Variants in SEMA3C observed in about 807,000 individuals in gnomAD.
The protein encoded by SEMA3C is semaphorin-3C.
Under a neutral mutation model 89.4 loss-of-function variants are expected in SEMA3C, and 47 were observed. That is an observed-to-expected ratio of 0.53 (90% CI 0.42 to 0.67). The LOEUF is 0.67. Among genes scored for constraint, SEMA3C ranks in the 30% least tolerant of loss-of-function variants. SEMA3C has a pLI of 0.00. For synonymous variants in SEMA3C, 310 were observed against 320.2 expected, an observed-to-expected ratio of 0.97 and a Z score of 0.34; for missense variants, 839 against 929.1, an observed-to-expected ratio of 0.90 and a Z score of 1.26.
At chr7:80,815,669 A>G (rs1460116815) in intron 5 of SEMA3C, among the ~76,000 whole-genome samples, 4 of 151,828 alleles carry the variant, frequency 2.6e-5, no homozygotes, top group Non-Finnish European at 2.9e-5. Context: ...TTTTCTTCTG[A>G]AACAGAAAAA....
At chr7:80,844,486 C>T (rs1790342910) in intron 2 of SEMA3C, among the ~76,000 whole-genome samples, 1 of 152,030 alleles carries the variant, frequency 6.6e-6, no homozygotes, top group Non-Finnish European at 1.5e-5. Context: ...TACTTAATTC[C>T]TTGGAACCTC....
intron 15 of SEMA3C, among the ~76,000 whole-genome samples, chr7:80,754,964 T>TTTTG (rs765917535): frequency 7.0e-5 from 9 of 129,184 alleles, no homozygotes; most frequent in Middle Eastern, 4.1e-3. Flanking sequence ...TTTGTTTTTT[T>TTTTG]TTTTTTTGTA....
chr7:80,868,385 A>G (rs1473797024), intron 2 of SEMA3C, among the ~76,000 whole-genome samples: 1 of 152,068 alleles, frequency 6.6e-6, no homozygotes, highest in Non-Finnish European at 1.5e-5. Flanking sequence ...CTTGTGTCTC[A>G]GCCTCCCGAG....
intron 2 of SEMA3C, among the ~76,000 whole-genome samples, chr7:80,859,147 G>GTGTGTGTGTGTATGTGTGTT (rs1562909333): frequency 2.0e-5 from 3 of 151,792 alleles, no homozygotes; most frequent in African/African-American, 4.8e-5. Flanking sequence ...AAAAAGAACG[G>GTGTGTGTGTGTATGTGTGTT]TGTGTGTGTG....
chr7:80,902,108 G>C (rs75036549), intron 2 of SEMA3C, among the ~76,000 whole-genome samples: 5 of 152,020 alleles, frequency 3.3e-5, no homozygotes, highest in Non-Finnish European at 5.9e-5. Flanking sequence ...GTGCACCACC[G>C]CACTCAACTA....
rs1352499954 is a variant in SEMA3C at position 80,798,849 on chromosome 7, A to G, written c.987-613T>C. On this transcript the variant is annotated intron_variant, in intron 10 of 17. Transcript: ENST00000265361. ...AAATTTGTTTGAATCTTTAGTAAGA[A>G]ATATTTCCATTGTCCTATGGCAGGT... Among the ~76,000 whole-genome samples, 4 of 152,206 alleles carry G rather than the reference A, an allele frequency of 2.6e-5. No homozygotes were observed. In the East Asian group the frequency reaches 7.7e-4, roughly 29 times the overall value.
In SEMA3C at chr7:80,886,097, A is replaced by ATT. The variant is rs566950820; in HGVS notation, c.103+30581_103+30582insAA. ...ATTATCCATTCAAACTAACTCAAATAGAGACATTGTTAATTACTAGTGAAT... is the reference window on the plus strand; with the variant it reads ...ATTATCCATTCAAACTAACTCAAATATTGAGACATTGTTAATTACTAGTGAAT... On this transcript the variant is annotated intron_variant, in intron 2 of 17. Coordinates refer to ENST00000265361, the MANE Select transcript of SEMA3C (RefSeq NM_006379.5). Among the ~76,000 whole-genome samples the ATT allele has an allele frequency of 1.9e-4, 29 of 152,338 alleles. 1 individual carries two copies. The South Asian group carries it at 5.8e-3, about 30-fold the overall frequency.
At chr7:80,765,435 G>C (rs995780984) in intron 12 of SEMA3C, among the ~76,000 whole-genome samples, 192 bp from the exon 13 acceptor site, 14 of 152,082 alleles carry the variant, frequency 9.2e-5, no homozygotes, top group African/African-American at 3.4e-4. Context: ...ACAATTCAAG[G>C]GGAACTAATA....
chr7:80,873,127 A>G (rs991801489), intron 2 of SEMA3C, among the ~76,000 whole-genome samples: 21 of 152,116 alleles, frequency 1.4e-4, no homozygotes, highest in African/African-American at 5.1e-4. Flanking sequence ...TGGAAGGACC[A>G]AAAACAACTC....
intron 5 of SEMA3C, among the ~76,000 whole-genome samples, chr7:80,812,911 G>A (rs917731104): frequency 6.6e-6 from 1 of 150,376 alleles, no homozygotes; most frequent in South Asian, 2.1e-4. Context: ...CTCAGGCTCT[G>A]GAGTGGCTAG....
chr7:80,775,555 T>C (rs569735768), intron 12 of SEMA3C, among the ~76,000 whole-genome samples: 2 of 152,288 alleles, frequency 1.3e-5, no homozygotes, highest in South Asian at 4.1e-4. Flanking sequence ...ATCTTTTATC[T>C]ACAAATCTAA....
chr7:80,834,457 G>T (rs913576813), intron 2 of SEMA3C, among the ~76,000 whole-genome samples: 1 of 152,218 alleles, frequency 6.6e-6, no homozygotes, highest in Admixed American at 6.6e-5. Context: ...AGCTTCTGGA[G>T]CTACCTAAGT....
chr7:80,862,952 T>G (rs1790807566), intron 2 of SEMA3C, among the ~76,000 whole-genome samples: 1 of 152,136 alleles, frequency 6.6e-6, no homozygotes, highest in South Asian at 2.1e-4. Context: ...TCAAGATGGA[T>G]TAATGACTTA....
At chr7:80,849,585 A>G (rs1790465462) in intron 2 of SEMA3C, among the ~76,000 whole-genome samples, 1 of 152,158 alleles carries the variant, frequency 6.6e-6, no homozygotes, top group East Asian at 1.9e-4. Flanking sequence ...TAAACACTAT[A>G]AGTGAGGGTA....
chr7:80,779,398 A>C (rs909870665), intron 12 of SEMA3C, among the ~76,000 whole-genome samples: 2 of 152,152 alleles, frequency 1.3e-5, no homozygotes, highest in African/African-American at 4.8e-5. Context: ...TCTTACCTTG[A>C]TCAGTCAATG....
chr7:80,804,392 A>C, intron 7 of SEMA3C, 144 bp from the exon 8 acceptor site: 2 of 481,074 alleles, frequency 4.2e-6, no homozygotes, highest in Non-Finnish European at 7.0e-6. Context: ...TAAAAGCAGT[A>C]ATTGCATTCA....
intron 13 of SEMA3C, among the ~76,000 whole-genome samples, chr7:80,763,929 C>G (rs917198139): frequency 1.3e-5 from 2 of 152,124 alleles, no homozygotes; most frequent in African/African-American, 4.8e-5. Flanking sequence ...CCGATTTTAA[C>G]ACACCAATCA....
At chr7:80,765,558 G>GT (rs967262005) in intron 12 of SEMA3C, among the ~76,000 whole-genome samples, 142 of 143,634 alleles carry the variant, frequency 9.9e-4, no homozygotes, top group African/African-American at 3.1e-3. Context: ...CAATACATAA[G>GT]TTTTTTTTGT....
intron 3 of SEMA3C, 94 bp downstream of exon 3, chr7:80,828,491 T>C: frequency 9.8e-7 from 1 of 1,016,154 alleles, no homozygotes; most frequent in Non-Finnish European, 1.4e-6. Context: ...TCTATTGTTC[T>C]AATAAAATGC....
Sources: gnomAD v4.1 joint callset for allele counts (sites outside exome capture counted in the v4.1 genomes callset) on GRCh38, gnomAD v4.1.1 for gene constraint, MANE v1.5 for transcripts, NCBI Gene and HGNC (gene_info 2026-07-23, HGNC 2026-07-21) for gene names.